IGFL2: variants seen among roughly 807,000 people sequenced by gnomAD.
IGFL2 encodes IGF like family member 2.
IGFL2 carries 7 observed loss-of-function variants against 13.9 expected under a neutral mutation model. The ratio of observed to expected loss-of-function variants is 0.51; its 90% CI spans 0.29 to 0.95. The LOEUF is 0.95. Ranked by LOEUF, IGFL2 falls within the 40% of genes least tolerant of loss-of-function variation. The probability of loss-of-function intolerance (pLI) is 0.08; values close to 1 mark genes in which losing one functional copy is unlikely to be tolerated. For missense variants in IGFL2, 138 were observed against 147.8 expected (o/e 0.93, Z 0.34); for synonymous variants, 55 against 55.8 (o/e 0.99, Z 0.07).
chr19:46,121,682 G>A, the IGFL2 span, among the ~76,000 whole-genome samples: 1 of 150,972 alleles, frequency 6.6e-6, no homozygotes. Context: ...CACCAAGACA[G>A]TTGTAAAGAA....
At chr19:46,143,450 G>T (rs986432655), upstream of IGFL2, among the ~76,000 whole-genome samples, 11 of 150,166 alleles carry the variant, frequency 7.3e-5, no homozygotes, top group African/African-American at 2.0e-4. Flanking sequence ...ACCTAGGATG[G>T]AGTGCAGTGG....
At chr19:46,178,002 G>T in the IGFL2 span, among the ~76,000 whole-genome samples, 12 of 152,090 alleles carry the variant, frequency 7.9e-5, no homozygotes, top group African/African-American at 2.2e-4. Context: ...AGCGTGGCCG[G>T]GTGCGGTGGT....
chr19:46,153,872 C>T (rs1001201916), intron 1 of IGFL2, among the ~76,000 whole-genome samples: 1 of 149,718 alleles, frequency 6.7e-6, no homozygotes. Context: ...GATTCATGTG[C>T]TGAACATGCA....
At chr19:46,092,993 A>G in the IGFL2 span, among the ~76,000 whole-genome samples, 2,837 of 152,316 alleles carry the variant, frequency 0.019, 45 homozygotes, top group Middle Eastern at 0.048. Flanking sequence ...TAAGACTTCA[A>G]AATGATAAAT....
At chr19:46,122,932 G>C in the IGFL2 span, among the ~76,000 whole-genome samples, 2,042 of 150,748 alleles carry the variant, frequency 0.014, 62 homozygotes, top group Middle Eastern at 0.031. Flanking sequence ...TATCCAGACT[G>C]CTAGGGTTAT....
upstream of IGFL2, chr19:46,143,270 C>T (rs1480981119): frequency 6.6e-6 from 1 of 152,088 alleles, no homozygotes; most frequent in Non-Finnish European, 1.5e-5. Flanking sequence ...CTCTATTTTA[C>T]TTTATTGTAA....
At chr19:46,167,154 T>C in the IGFL2 span, among the ~76,000 whole-genome samples, 1 of 152,250 alleles carries the variant, frequency 6.6e-6, no homozygotes, top group Admixed American at 6.5e-5. Context: ...AACTAATAAA[T>C]GTCCCTAAAA....
intron 1 of IGFL2, among the ~76,000 whole-genome samples, chr19:46,153,837 A>ATTT (rs1456674747): frequency 7.1e-6 from 1 of 140,360 alleles, no homozygotes; most frequent in Non-Finnish European, 1.5e-5. Flanking sequence ...ATATATATAT[A>ATTT]TATTTTTTTT....
chr19:46,137,563 C>T, the IGFL2 span: 32 of 1,019,848 alleles, frequency 3.1e-5, no homozygotes, highest in Middle Eastern at 2.1e-4. Context: ...CGTCATCCTC[C>T]GTCTCACTGC....
the IGFL2 span, among the ~76,000 whole-genome samples, chr19:46,168,899 A>AGT: frequency 0.052 from 7,332 of 140,544 alleles, 240 homozygotes; most frequent in Non-Finnish European, 0.076. Context: ...CAGTAGATTG[A>AGT]GTGTGTGTGT....
chr19:46,111,701 G>A, the IGFL2 span: 2 of 152,224 alleles, frequency 1.3e-5, no homozygotes, highest in African/African-American at 4.8e-5. Flanking sequence ...TCTTCATTGA[G>A]TAGCTCAATA....
intron 1 of IGFL2, among the ~76,000 whole-genome samples, chr19:46,150,575 CAAATT>C (rs1175566376): frequency 6.6e-6 from 1 of 152,130 alleles, no homozygotes; most frequent in African/African-American, 2.4e-5. Flanking sequence ...AATGATAAAT[CAAATT>C]AATTACCATA....
the IGFL2 span, chr19:46,208,728 C>T: frequency 6.6e-6 from 1 of 152,122 alleles, no homozygotes; most frequent in Admixed American, 6.5e-5. Flanking sequence ...GTTCCCGGCT[C>T]GCTCTCTTTC....
chr19:46,215,061 T>A, the IGFL2 span, among the ~76,000 whole-genome samples: 1 of 152,132 alleles, frequency 6.6e-6, no homozygotes, highest in African/African-American at 2.4e-5. Context: ...AGGCCTTTTC[T>A]TCAGATTTGC....
chr19:46,194,543 C>G, the IGFL2 span, among the ~76,000 whole-genome samples: 1 of 152,048 alleles, frequency 6.6e-6, no homozygotes, highest in Non-Finnish European at 1.5e-5. Context: ...AATCAAGGGC[C>G]GGACACGGTG....
At position 46,150,228 on chromosome 19, in the gene IGFL2, T is replaced by G. The variant is rs537203771; in HGVS notation, c.19+1931T>G. On this transcript the variant is annotated intron_variant, in intron 1 of 3. Coordinates refer to ENST00000377693, the MANE Select transcript of IGFL2 (RefSeq NM_001135113.2). ...CCATGTTTAAATTGGGTTATTTATT[T>G]TATTATTATTTAGTTGTAAGAGTTT... is the stretch of plus-strand genomic sequence containing the variant. Among the ~76,000 whole-genome samples, 21 of 152,320 alleles carry G rather than the reference T, an allele frequency of 1.4e-4. 1 individual carries two copies. The highest frequency in any genetic ancestry group is 5.1e-4 in the African/African-American group (21 of 41,568).
At chr19:46,162,083 T>C (rs558095493), downstream of IGFL2, among the ~76,000 whole-genome samples, 126 of 152,354 alleles carry the variant, frequency 8.3e-4, 2 homozygotes, top group Middle Eastern at 0.017. Context: ...GGATATAAAA[T>C]TCTTGGTTGA....
the IGFL2 span, among the ~76,000 whole-genome samples, chr19:46,108,276 T>G: frequency 6.6e-6 from 1 of 152,036 alleles, no homozygotes; most frequent in African/African-American, 2.4e-5. Context: ...GAGCAGAGAC[T>G]AGGGAGGAAC....
At chr19:46,173,818 G>A in the IGFL2 span, 1 of 152,222 alleles carries the variant, frequency 6.6e-6, no homozygotes, top group African/African-American at 2.4e-5. Flanking sequence ...CATAACCAGA[G>A]CTAGATTGTG....
Sources: allele counts gnomAD v4.1 joint callset (sites outside exome capture counted in the v4.1 genomes callset), GRCh38; gene constraint gnomAD v4.1.1; transcripts MANE v1.5; gene names NCBI Gene and HGNC (gene_info 2026-07-23, HGNC 2026-07-21).